Variants in CNTN4 observed in about 807,000 individuals in gnomAD.
The protein encoded by CNTN4 is contactin-4.
Under a neutral mutation model 122.5 loss-of-function variants are expected in CNTN4, and 77 were observed. The observed-to-expected ratio is 0.63, with a 90% CI of 0.52 to 0.76. CNTN4 has a LOEUF of 0.76. Among genes scored for constraint, CNTN4 ranks in the 30% least tolerant of loss-of-function variants. The pLI is 0.00. For synonymous variants in CNTN4, 512 were observed against 447.0 expected (o/e 1.15, Z -1.83); for missense variants, 1,256 against 1,259.1 (o/e 1.00, Z 0.04).
intron 3 of CNTN4, among the ~76,000 whole-genome samples, chr3:2,519,668 G>A (rs763639143): frequency 2.6e-5 from 4 of 152,196 alleles, no homozygotes; most frequent in African/African-American, 7.2e-5. Context: ...TGTAAAGAAC[G>A]GTGCATCAGG....
chr3:2,403,358 A>G (rs902195609), intron 3 of CNTN4, among the ~76,000 whole-genome samples: 2 of 152,126 alleles, frequency 1.3e-5, no homozygotes, highest in African/African-American at 2.4e-5. Context: ...GACACAGTTC[A>G]ACACATAACA....
intron 24 of CNTN4, among the ~76,000 whole-genome samples, chr3:3,054,772 G>C (rs961862820): frequency 6.6e-6 from 1 of 152,144 alleles, no homozygotes; most frequent in Admixed American, 6.5e-5. Context: ...AGTGGTGCTG[G>C]TTGCACAACA....
At chr3:2,508,124 C>T (rs1468520845) in intron 3 of CNTN4, among the ~76,000 whole-genome samples, 1 of 152,072 alleles carries the variant, frequency 6.6e-6, no homozygotes, top group African/African-American at 2.4e-5. Flanking sequence ...TTAATATGGC[C>T]ACATATTTTC....
chr3:2,155,825 G>T (rs1181332509), intron 2 of CNTN4, among the ~76,000 whole-genome samples: 6 of 152,116 alleles, frequency 3.9e-5, no homozygotes, highest in Admixed American at 3.3e-4. Context: ...AATGATTCTT[G>T]TTCATCCTTA....
At chr3:2,842,190 G>A (rs2093373837) in intron 7 of CNTN4, among the ~76,000 whole-genome samples, 1 of 152,156 alleles carries the variant, frequency 6.6e-6, no homozygotes, top group Non-Finnish European at 1.5e-5. Context: ...CAGGTAATGG[G>A]TTGCAGCAGA....
chr3:2,734,810 G>A (rs1313034776), intron 4 of CNTN4, among the ~76,000 whole-genome samples: 1 of 152,080 alleles, frequency 6.6e-6, no homozygotes, highest in Non-Finnish European at 1.5e-5. Flanking sequence ...GGCTGGTTAT[G>A]AAGTTTTTCC....
intron 2 of CNTN4, among the ~76,000 whole-genome samples, chr3:2,151,269 T>C (rs1404143000): frequency 6.6e-6 from 1 of 151,710 alleles, no homozygotes; most frequent in East Asian, 1.9e-4. Context: ...ATGAAGAAAA[T>C]GATGAATAGG....
intron 14 of CNTN4, 82 bp downstream of exon 14, chr3:2,988,554 C>T: frequency 7.2e-7 from 1 of 1,397,944 alleles, no homozygotes; most frequent in Non-Finnish European, 1.0e-6. Context: ...TGGCATCATT[C>T]ATATTAATAT....
chr3:2,400,434 T>TAC (rs34647768), intron 3 of CNTN4, among the ~76,000 whole-genome samples: 4 of 124,512 alleles, frequency 3.2e-5, no homozygotes, highest in South Asian at 2.5e-4. Flanking sequence ...TATACATATA[T>TAC]ATATATATAT....
At chr3:2,642,880 A>G (rs985005742) in intron 4 of CNTN4, among the ~76,000 whole-genome samples, 1 of 152,156 alleles carries the variant, frequency 6.6e-6, no homozygotes, top group African/African-American at 2.4e-5. Flanking sequence ...TTGGGTCTCA[A>G]TTCAAAATCT....
chr3:2,819,857 G>A (rs1462538259), intron 7 of CNTN4, among the ~76,000 whole-genome samples: 3 of 151,158 alleles, frequency 2.0e-5, no homozygotes. Context: ...GTAAAGCAGT[G>A]TAATTAAAAC....
At chr3:2,702,484 G>A (rs1237653195) in intron 4 of CNTN4, among the ~76,000 whole-genome samples, 2 of 152,200 alleles carry the variant, frequency 1.3e-5, no homozygotes, top group African/African-American at 2.4e-5. Context: ...GAGGCATAAC[G>A]GCACTTCTTC....
intron 6 of CNTN4, among the ~76,000 whole-genome samples, chr3:2,817,949 A>G (rs80312614): frequency 0.093 from 14,093 of 152,290 alleles, 709 homozygotes; most frequent in Middle Eastern, 0.13. Flanking sequence ...CCTGGTGTCC[A>G]TTGAATAAAA....
chr3:2,965,305 T>G (rs1321669589), intron 13 of CNTN4, among the ~76,000 whole-genome samples: 1 of 152,184 alleles, frequency 6.6e-6, no homozygotes, highest in Non-Finnish European at 1.5e-5. Flanking sequence ...TTTGTGCTCC[T>G]CCTGGCCACT....
chr3:2,111,017 C>T (rs1351716839), intron 2 of CNTN4, among the ~76,000 whole-genome samples: 2 of 152,148 alleles, frequency 1.3e-5, no homozygotes, highest in East Asian at 1.9e-4. Context: ...GCTTAGAATA[C>T]AGCATGATCT....
intron 4 of CNTN4, among the ~76,000 whole-genome samples, chr3:2,734,151 C>T (rs1049494345): frequency 6.6e-6 from 1 of 152,050 alleles, no homozygotes; most frequent in Non-Finnish European, 1.5e-5. Flanking sequence ...GCCTTGATCC[C>T]CCCAGATCAA....
chr3:2,749,565 C>A (rs967176778), intron 6 of CNTN4, among the ~76,000 whole-genome samples: 4 of 152,132 alleles, frequency 2.6e-5, no homozygotes, highest in Non-Finnish European at 5.9e-5. Context: ...AGAACTGAGA[C>A]TATCTTGTCC....
At chr3:2,621,778 G>T (rs868835300) in intron 4 of CNTN4, among the ~76,000 whole-genome samples, 1 of 152,086 alleles carries the variant, frequency 6.6e-6, no homozygotes, top group Admixed American at 6.6e-5. Context: ...AGTGGGCTGT[G>T]ATATTAATTC....
chr3:2,755,998 G>A (rs886815069), intron 6 of CNTN4, among the ~76,000 whole-genome samples: 19 of 152,078 alleles, frequency 1.2e-4, no homozygotes, highest in Non-Finnish European at 2.9e-5. Flanking sequence ...AGGCACTGAA[G>A]GTCAACATTC....
Sources: gnomAD v4.1 joint callset for allele counts (sites outside exome capture counted in the v4.1 genomes callset) on GRCh38, gnomAD v4.1.1 for gene constraint, MANE v1.5 for transcripts, NCBI Gene and HGNC (gene_info 2026-07-23, HGNC 2026-07-21) for gene names.